The following PRAG1 variants were observed in gnomAD, a reference collection of about 807,000 sequenced individuals.
PRAG1 encodes the protein inactive tyrosine-protein kinase PRAG1.
PRAG1 carries 110 observed loss-of-function variants against 95.6 expected under a neutral mutation model. The ratio of observed to expected loss-of-function variants is 1.15; its 90% CI spans 0.99 to 1.35. PRAG1 has a LOEUF of 1.35. Ranked by LOEUF, PRAG1 falls within the 40% of genes most tolerant of loss-of-function variation. The pLI, the probability that PRAG1 is intolerant of heterozygous loss-of-function variation, is 0.00. For missense variants in PRAG1, 2,554 were observed against 1,864.7 expected (o/e 1.37, Z -6.81); for synonymous variants, 1,052 against 819.4 (o/e 1.28, Z -4.85).
chr8:8,346,551 T>C (rs1055452393), intron 3 of PRAG1, among the ~76,000 whole-genome samples: 1 of 152,160 alleles, frequency 6.6e-6, no homozygotes, highest in Admixed American at 6.5e-5. Flanking sequence ...GTCTCCATAC[T>C]ATGTTGGTGG....
intron 4 of PRAG1, among the ~76,000 whole-genome samples, chr8:8,329,255 T>G (rs1285746464): frequency 2.0e-5 from 3 of 151,396 alleles, no homozygotes; most frequent in Admixed American, 2.0e-4. Context: ...TAGCTGGGGG[T>G]GGTGGTGCGT....
At chr8:8,326,918 G>A (rs1798651454) in intron 5 of PRAG1, among the ~76,000 whole-genome samples, 1 of 152,190 alleles carries the variant, frequency 6.6e-6, no homozygotes, top group Non-Finnish European at 1.5e-5. Flanking sequence ...TAGAGTGAAT[G>A]CTCACACAAA....
At chr8:8,376,199 G>T (rs764573398) in intron 3 of PRAG1, 48 bp downstream of exon 3, 2 of 1,574,126 alleles carry the variant, frequency 1.3e-6, no homozygotes, top group Non-Finnish European at 1.7e-6. Flanking sequence ...TCTTCTGGAA[G>T]AGCCCTTTGC....
intron 3 of PRAG1, among the ~76,000 whole-genome samples, chr8:8,347,228 T>G (rs534235594): frequency 6.6e-6 from 1 of 152,282 alleles, no homozygotes; most frequent in South Asian, 2.1e-4. Context: ...GCTGGGACAG[T>G]GACTTCAGGT....
intron 3 of PRAG1, among the ~76,000 whole-genome samples, chr8:8,357,625 T>G (rs1283300879): frequency 6.6e-6 from 1 of 152,152 alleles, no homozygotes; most frequent in Non-Finnish European, 1.5e-5. Context: ...TGGAAAACAG[T>G]AAGGCAGTTC....
chr8:8,320,264 G>A (rs1041129717), intron 5 of PRAG1, among the ~76,000 whole-genome samples: 2 of 152,150 alleles, frequency 1.3e-5, no homozygotes, highest in African/African-American at 4.8e-5. Context: ...CTCCAAGGAA[G>A]AAGGAACCAG....
Position 8,318,354 on chromosome 8 carries a change from C to CGCT in PRAG1, c.4020_4021insAGC (p.Pro1340_Gly1341insSer). On this transcript the variant is annotated inframe_insertion, in exon 6 of 6. Coordinates refer to ENST00000615670, the MANE Select transcript of PRAG1 (RefSeq NM_001080826.3). The surrounding 1 kb of genome is among the most constrained non-coding windows in gnomAD (Gnocchi z 4.2). ...CCGCACAGCGCCTCCTCCGAGGTGC[C>CGCT]CGGCTGCTGCACCAGCTCGCGCCGA... The CGCT allele has an allele frequency of 6.2e-7, 1 of 1,613,914 alleles. No homozygotes were observed. Among genetic ancestry groups the CGCT allele is most frequent in the Non-Finnish European group, 8.5e-7 (1 of 1,179,868 alleles).
chr8:8,377,158 G>T lies in PRAG1; in HGVS notation c.1251C>A (p.Thr417=), dbSNP rs1021029366. ...GCACCGGAGCTGCCTTCTTCCTCTT[G>T]GTGCTCTCAGCATAGATGGGTTCAG... ...TQPEPIYAES[T]KRKKAAPVPS... Residue 417 remains threonine, a synonymous_variant, in exon 3 of 6, where the codon ACC becomes ACA. Coordinates refer to ENST00000615670, the MANE Select transcript of PRAG1 (RefSeq NM_001080826.3). 2.5e-6 allele frequency: 4 copies of T among 1,611,888 alleles called. No homozygotes were observed. Among genetic ancestry groups the T allele is most frequent in the Non-Finnish European group, 3.4e-6 (4 of 1,179,996 alleles).
At position 8,381,534 on chromosome 8, in the gene PRAG1, C is replaced by T. The variant is rs1187227271; in HGVS notation, c.214G>A (p.Glu72Lys). The change falls in exon 2 of 6, where the codon GAA becomes AAA. Residue 72 changes from glutamate to lysine, a missense_variant. Transcript: ENST00000615670. ...GAGTAAGGTGAGCTGTTCACACCTTCATCTTCCAGGCGGCAGTTCTCAGGC... is the reference window on the plus strand; with the variant it reads ...GAGTAAGGTGAGCTGTTCACACCTTTATCTTCCAGGCGGCAGTTCTCAGGC... ...PRPENCRLED[E>K]GVNSSPYSKP... 3.7e-6 allele frequency: 6 copies of T among 1,614,210 alleles called. No individual in the cohort carries two copies. The highest frequency in any genetic ancestry group is 1.7e-5 in the Admixed American group (1 of 60,030).
intron 3 of PRAG1, among the ~76,000 whole-genome samples, chr8:8,350,600 T>C (rs1361252775): frequency 1.3e-5 from 2 of 152,092 alleles, no homozygotes; most frequent in Non-Finnish European, 2.9e-5. Context: ...GGAAGAACAA[T>C]GATGCTAGCA....
chr8:8,373,635 T>C (rs1401304893), intron 3 of PRAG1, among the ~76,000 whole-genome samples: 1 of 152,048 alleles, frequency 6.6e-6, no homozygotes, highest in Non-Finnish European at 1.5e-5. Flanking sequence ...TCTTTTTTGG[T>C]GGAGACTGGG....
intron 3 of PRAG1, among the ~76,000 whole-genome samples, chr8:8,364,313 C>T (rs929172169): frequency 3.9e-5 from 6 of 152,124 alleles, no homozygotes; most frequent in Non-Finnish European, 8.8e-5. Flanking sequence ...TTTAGCTTTT[C>T]CCTCCTGTTA....
chr8:8,377,574 G>T lies in PRAG1; in HGVS notation c.835C>A (p.His279Asn). 2 of 1,610,824 alleles carry T rather than the reference G, an allele frequency of 1.2e-6. No individual in the cohort carries two copies. Among genetic ancestry groups the T allele is most frequent in the South Asian group, 1.1e-5 (1 of 90,752 alleles). The change falls in exon 3 of 6, where the codon CAT becomes AAT. Residue 279 changes from histidine (H) to asparagine (N), a missense_variant. Transcript: ENST00000615670. ...ASQTAGSRGR[H>N]GGRDCSPTCW... ...GTGGGTGAGCAGTCCCTGCCACCAT[G>T]CCTGCCCCGGGAACCTGCAGTCTGG...
At chr8:8,366,951 G>A (rs1006258268) in intron 3 of PRAG1, among the ~76,000 whole-genome samples, 2 of 152,056 alleles carry the variant, frequency 1.3e-5, no homozygotes, top group African/African-American at 2.4e-5. Flanking sequence ...AGGATTACAG[G>A]TATGAGCCAC....
chr8:8,318,652 G>C lies in PRAG1; in HGVS notation c.3723C>G (p.Pro1241=), dbSNP rs781334407. 15 of 1,612,174 alleles carry C rather than the reference G, an allele frequency of 9.3e-6. No homozygotes were observed. In the South Asian group the frequency reaches 9.9e-5, roughly 11 times the overall value. Residue 1241 remains proline (P), a synonymous_variant, in exon 6 of 6, where the codon CCC becomes CCG. Transcript: ENST00000615670. The surrounding 1 kb of genome is among the most constrained non-coding windows in gnomAD (Gnocchi z 4.2). ...QQKKSQARLA[P]EIVSASQYRK... ...GGTACTGGGAAGCAGACACGATCTC[G>C]GGGGCCAGCCGGGCCTGGCTCTTCT... is the stretch of plus-strand genomic sequence containing the variant.
intron 3 of PRAG1, among the ~76,000 whole-genome samples, chr8:8,362,107 G>A (rs1799863228): frequency 6.6e-6 from 1 of 152,150 alleles, no homozygotes; most frequent in Non-Finnish European, 1.5e-5. Flanking sequence ...CACCCCTGGA[G>A]CTTTCTTACA....
chr8:8,378,371 A>G (rs1362239586), intron 2 of PRAG1, among the ~76,000 whole-genome samples: 1 of 152,204 alleles, frequency 6.6e-6, no homozygotes, highest in Non-Finnish European at 1.5e-5. Flanking sequence ...AAAGAAAAAT[A>G]TAACTCTGAA....
At chr8:8,336,898 CA>C (rs1799001433) in intron 4 of PRAG1, among the ~76,000 whole-genome samples, 8 of 95,774 alleles carry the variant, frequency 8.4e-5, no homozygotes, top group Admixed American at 2.4e-4. Flanking sequence ...CTCCCCTCCC[CA>C]CACCCCTTTC....
chr8:8,356,405 G>A lies in PRAG1; in HGVS notation c.2163-16770C>T, dbSNP rs544547917. 1.2e-4 allele frequency among the ~76,000 whole-genome samples: 19 copies of A among 152,310 alleles called. No homozygotes were observed. In the East Asian group the frequency reaches 2.7e-3, roughly 22 times the overall value. On this transcript the variant is annotated intron_variant, in intron 3 of 5. Coordinates refer to ENST00000615670, the MANE Select transcript of PRAG1 (RefSeq NM_001080826.3). ...CTGTCACCTAGGCTGGAGTGCAGTG[G>A]TGCAATCATGGCTCACCACAGCCTT...
Sources: allele counts gnomAD v4.1 joint callset (sites outside exome capture counted in the v4.1 genomes callset), GRCh38; gene constraint gnomAD v4.1.1; non-coding constraint Gnocchi (gnomAD v3.1); transcripts MANE v1.5; gene names NCBI Gene and HGNC (gene_info 2026-07-23, HGNC 2026-07-21).